Variants in ARHGEF28 observed in about 807,000 individuals in gnomAD.
ARHGEF28 encodes the protein Rho guanine nucleotide exchange factor 28.
Under a neutral mutation model 206.6 loss-of-function variants are expected in ARHGEF28, and 152 were observed. That is an observed-to-expected ratio of 0.74 (90% CI 0.64 to 0.84). The LOEUF (loss-of-function observed/expected upper bound fraction) is 0.84, where lower values mean the gene tolerates loss of function less well. ARHGEF28 is among the 40% of genes least tolerant of loss of function. The pLI is 0.00. For missense variants in ARHGEF28, 2,028 were observed against 2,073.2 expected (o/e 0.98, Z 0.42); for synonymous variants, 763 against 776.4 (o/e 0.98, Z 0.29).
chr5:73,885,864 CATAA>C lies in ARHGEF28; in HGVS notation c.3072_3075del (p.His1024GlnfsTer9). 1 of 1,610,558 alleles carries C rather than the reference CATAA, an allele frequency of 6.2e-7. No homozygotes were observed. The highest frequency in any genetic ancestry group is 8.5e-7 in the Non-Finnish European group (1 of 1,178,798). On this transcript the variant is annotated frameshift_variant, in exon 25 of 36. Coordinates refer to ENST00000513042, the MANE Select transcript of ARHGEF28 (RefSeq NM_001177693.2). LOFTEE classifies it high-confidence loss of function. ...TTCCCACGCAGAAAGAACTGAGGAA[CATAA>C]AGACTTACGCAAAGCGCTTTGCTTA...
rs116159551 is a variant in ARHGEF28 at position 73,834,895 on chromosome 5, C to T, written c.1146+2436C>T. 2.4e-3 allele frequency among the ~76,000 whole-genome samples: 372 copies of T among 152,242 alleles called. 2 individuals carry two copies. Among genetic ancestry groups the T allele is most frequent in the African/African-American group, 8.1e-3 (338 of 41,536 alleles). ...CAAGATAAACTAAGGATGCATTTCT[C>T]AGAACATATCTACATACTTAAGTGA... On this transcript the variant is annotated intron_variant, in intron 10 of 35. Coordinates refer to ENST00000513042, the MANE Select transcript of ARHGEF28 (RefSeq NM_001177693.2).
chr5:73,909,968 C>T (rs1762795784), intron 34 of ARHGEF28, 71 bp downstream of exon 34: 7 of 1,435,606 alleles, frequency 4.9e-6, no homozygotes, highest in African/African-American at 1.4e-5. Context: ...TCCTAGGACA[C>T]TAACCAAACA....
intron 7 of ARHGEF28, among the ~76,000 whole-genome samples, chr5:73,781,031 G>T (rs1337188843): frequency 1.3e-5 from 2 of 150,684 alleles, no homozygotes; most frequent in African/African-American, 4.9e-5. Context: ...TTGACATTCT[G>T]ATTGTTCTCC....
intron 26 of ARHGEF28, 135 bp downstream of exon 26, chr5:73,887,814 G>T: frequency 1.4e-6 from 1 of 735,264 alleles, no homozygotes; most frequent in South Asian, 2.2e-5. Flanking sequence ...ATTATTACTT[G>T]TGATTGCAGT....
At chr5:73,834,542 C>CTGTGTGTGTGTG (rs34258155) in intron 10 of ARHGEF28, among the ~76,000 whole-genome samples, 1 of 146,214 alleles carries the variant, frequency 6.8e-6, no homozygotes, top group Non-Finnish European at 1.5e-5. Flanking sequence ...AATAATATTC[C>CTGTGTGTGTGTG]TGTGTGTGTG....
chr5:73,778,394 G>C (rs549922640), intron 6 of ARHGEF28: 1 of 152,352 alleles, frequency 6.6e-6, no homozygotes, highest in Admixed American at 6.5e-5. Context: ...GAAGATTTAT[G>C]ATGAGTAAAT....
At chr5:73,737,604 C>T (rs552635974) in intron 2 of ARHGEF28, among the ~76,000 whole-genome samples, 7 of 151,412 alleles carry the variant, frequency 4.6e-5, no homozygotes, top group African/African-American at 9.7e-5. Flanking sequence ...CTCTGCCTCC[C>T]GGGTTCACGC....
rs572448803 is a variant in ARHGEF28 at position 73,910,149 on chromosome 5, G to A, written c.4647+252G>A. On this transcript the variant is annotated intron_variant, in intron 34 of 35. Transcript: ENST00000513042. Reference sequence around the variant, plus strand: ...TAATCCCAGAACTTTGGGAGGCCGAGGCGGGAAGATCACCTGAGGTTGGGA... The same window carrying A: ...TAATCCCAGAACTTTGGGAGGCCGAAGCGGGAAGATCACCTGAGGTTGGGA... 2.0e-4 allele frequency among the ~76,000 whole-genome samples: 30 copies of A among 152,152 alleles called. No homozygotes were observed. In the South Asian group the frequency reaches 4.6e-3, roughly 23 times the overall value.
chr5:73,909,491 ACTCTATC>A lies in ARHGEF28; in HGVS notation c.4245_4251del (p.Ile1416GlufsTer90), dbSNP rs968919180. The A allele has an allele frequency of 5.0e-6, 8 of 1,611,738 alleles. No individual in the cohort carries two copies. Among genetic ancestry groups the A allele is most frequent in the Non-Finnish European group, 6.8e-6 (8 of 1,179,240 alleles). ...CAGCAGGAGGGCCTGTCTCTCGGCC[ACTCTATC>A]CTCCGAGGCGGCCCCTTGCAGGACC... On this transcript the variant is annotated frameshift_variant, in exon 34 of 36. Transcript: ENST00000513042. LOFTEE classifies it high-confidence loss of function.
In ARHGEF28 at chr5:73,765,275, A is replaced by G. The variant is rs138917616; in HGVS notation, c.476-8580A>G. On this transcript the variant is annotated intron_variant, in intron 4 of 35. Transcript: ENST00000513042. ...TTTGATTTATGATTTTGATTTTATC[A>G]TTGTGTGAAATGTGATGGTGTGAAA... Among the ~76,000 whole-genome samples the G allele has an allele frequency of 4.9e-3, 752 of 152,330 alleles. 7 individuals are homozygous for G. Among genetic ancestry groups the G allele is most frequent in the African/African-American group, 0.017 (711 of 41,574 alleles).
intron 16 of ARHGEF28, among the ~76,000 whole-genome samples, chr5:73,858,505 C>A (rs192076901): frequency 1.3e-5 from 2 of 152,166 alleles, no homozygotes; most frequent in Non-Finnish European, 2.9e-5. Context: ...CTGATGCTCT[C>A]GGCCTTTAAT....
intron 1 of ARHGEF28, among the ~76,000 whole-genome samples, chr5:73,657,075 A>G (rs944099348): frequency 1.0e-4 from 15 of 148,314 alleles, no homozygotes; most frequent in African/African-American, 3.5e-4. Context: ...TGGGAGTCTG[A>G]GGCAGGAGAA....
chr5:73,820,440 T>A (rs1756504153), intron 9 of ARHGEF28, among the ~76,000 whole-genome samples: 1 of 152,106 alleles, frequency 6.6e-6, no homozygotes, highest in South Asian at 2.1e-4. Context: ...ACACTGCACC[T>A]CCTGGGTCCT....
intron 2 of ARHGEF28, among the ~76,000 whole-genome samples, chr5:73,747,906 T>TAGA (rs1751817411): frequency 6.6e-6 from 1 of 152,224 alleles, no homozygotes; most frequent in Non-Finnish European, 1.5e-5. Context: ...TCTCATAAGC[T>TAGA]GTAGTCCTTG....
intron 33 of ARHGEF28, among the ~76,000 whole-genome samples, chr5:73,905,651 CT>C (rs1393642020): frequency 1.3e-5 from 2 of 152,146 alleles, no homozygotes; most frequent in African/African-American, 2.4e-5. Context: ...CTATTGCATA[CT>C]TTTTAATGAT....
At chr5:73,635,631 G>A (rs545082369) in intron 1 of ARHGEF28, among the ~76,000 whole-genome samples, 2 of 152,294 alleles carry the variant, frequency 1.3e-5, no homozygotes, top group East Asian at 3.9e-4. Context: ...TTATCACTCT[G>A]TGGAATAACC....
intron 31 of ARHGEF28, chr5:73,903,635 C>G (rs927579802): frequency 1.6e-4 from 25 of 154,010 alleles, no homozygotes; most frequent in African/African-American, 5.3e-4. Context: ...AGTACTTCTA[C>G]TATGGCAGTC....
chr5:73,733,974 A>G (rs1373265587), intron 2 of ARHGEF28, among the ~76,000 whole-genome samples: 1 of 152,110 alleles, frequency 6.6e-6, no homozygotes, highest in Non-Finnish European at 1.5e-5. Context: ...GGGACACGTT[A>G]TACACTTTTA....
At chr5:73,880,231 C>T (rs1455971058) in intron 22 of ARHGEF28, among the ~76,000 whole-genome samples, 1 of 152,200 alleles carries the variant, frequency 6.6e-6, no homozygotes, top group African/African-American at 2.4e-5. Flanking sequence ...CCCTCCGAGC[C>T]AGGTGTGGGA....
Sources: allele counts gnomAD v4.1 joint callset (sites outside exome capture counted in the v4.1 genomes callset), GRCh38; gene constraint gnomAD v4.1.1; transcripts MANE v1.5; gene names NCBI Gene and HGNC (gene_info 2026-07-23, HGNC 2026-07-21).